The following RALA variants were observed in gnomAD, a reference collection of about 807,000 sequenced individuals.
RALA encodes the protein ras-related protein Ral-A.
RALA carries 5 observed loss-of-function variants against 24.0 expected under a neutral mutation model. That is an observed-to-expected ratio of 0.21 (90% CI 0.11 to 0.44). The LOEUF is 0.44. Among genes scored for constraint, RALA ranks in the 20% least tolerant of loss-of-function variants. The pLI, the probability that RALA is intolerant of heterozygous loss-of-function variation, is 0.99. For synonymous variants in RALA, 77 were observed against 83.8 expected, an observed-to-expected ratio of 0.92 and a Z score of 0.44; for missense variants, 95 against 241.2, an observed-to-expected ratio of 0.39 and a Z score of 4.01.
intron 1 of RALA, among the ~76,000 whole-genome samples, chr7:39,669,257 C>T (rs944671274): frequency 2.6e-5 from 4 of 152,114 alleles, no homozygotes; most frequent in Non-Finnish European, 5.9e-5. Context: ...TCTTTGAAGT[C>T]AAGGATCTTG....
intron 1 of RALA, among the ~76,000 whole-genome samples, chr7:39,627,356 C>CA (rs562084499): frequency 1.1e-4 from 16 of 151,852 alleles, no homozygotes; most frequent in Non-Finnish European, 1.5e-4. Context: ...CTTTACAAGC[C>CA]AAAAAAGGCA....
intron 1 of RALA, among the ~76,000 whole-genome samples, chr7:39,683,122 C>T (rs1265590500): frequency 6.6e-6 from 1 of 152,158 alleles, no homozygotes; most frequent in Non-Finnish European, 1.5e-5. Flanking sequence ...GTAGATGCTG[C>T]CACCATGCTC....
intron 1 of RALA, among the ~76,000 whole-genome samples, chr7:39,651,156 T>G (rs888167432): frequency 5.9e-5 from 9 of 152,222 alleles, no homozygotes; most frequent in African/African-American, 1.9e-4. Context: ...AACAAACACT[T>G]TATTATAAAA....
At chr7:39,643,410 T>A (rs916159940) in intron 1 of RALA, among the ~76,000 whole-genome samples, 1 of 152,160 alleles carries the variant, frequency 6.6e-6, no homozygotes, top group East Asian at 1.9e-4. Context: ...GGGGGACAAC[T>A]ATGCAGGGGA....
chr7:39,655,934 C>G (rs544659127), intron 1 of RALA, among the ~76,000 whole-genome samples: 1 of 152,222 alleles, frequency 6.6e-6, no homozygotes, highest in South Asian at 2.1e-4. Context: ...AGATTTTCAC[C>G]TATGAGCAAT....
At chr7:39,662,143 C>T (rs947300389) in intron 1 of RALA, among the ~76,000 whole-genome samples, 2 of 152,140 alleles carry the variant, frequency 1.3e-5, no homozygotes, top group African/African-American at 2.4e-5. Context: ...GGTTGGGGGG[C>T]CCTTAGCCCA....
chr7:39,696,283 C>A (rs1419378804), intron 3 of RALA, among the ~76,000 whole-genome samples: 2 of 152,178 alleles, frequency 1.3e-5, no homozygotes, highest in African/African-American at 4.8e-5. Context: ...ACCAATAACC[C>A]TACTTTAATC....
chr7:39,681,055 C>G (rs1490263969), intron 1 of RALA, among the ~76,000 whole-genome samples: 1 of 152,122 alleles, frequency 6.6e-6, no homozygotes, highest in Non-Finnish European at 1.5e-5. Context: ...TGTTCCAGGT[C>G]CTAATTCTTC....
intron 4 of RALA, 79 bp from the exon 5 acceptor site, chr7:39,706,044 A>G (rs887373184): frequency 3.1e-6 from 4 of 1,308,416 alleles, no homozygotes; most frequent in East Asian, 2.5e-5. Context: ...GTTACCCCCA[A>G]AGTTTACTGC....
intron 4 of RALA, chr7:39,697,508 G>A (rs774091316): frequency 1.3e-5 from 6 of 454,802 alleles, no homozygotes; most frequent in Non-Finnish European, 2.7e-5. Context: ...TCACTGGGCT[G>A]AGGTAGCACA....
chr7:39,638,027 A>T (rs1186124994), intron 1 of RALA, among the ~76,000 whole-genome samples: 1 of 152,182 alleles, frequency 6.6e-6, no homozygotes, highest in Non-Finnish European at 1.5e-5. Context: ...ATCCTCTAAT[A>T]TCTAACCCAG....
chr7:39,655,646 T>A (rs914367545), intron 1 of RALA, among the ~76,000 whole-genome samples: 1 of 152,198 alleles, frequency 6.6e-6, no homozygotes, highest in Non-Finnish European at 1.5e-5. Flanking sequence ...GGTATGTAGA[T>A]CTGAATATAG....
intron 1 of RALA, among the ~76,000 whole-genome samples, chr7:39,678,759 G>C (rs935654710): frequency 6.6e-6 from 1 of 152,010 alleles, no homozygotes; most frequent in Non-Finnish European, 1.5e-5. Context: ...GTTTATATAA[G>C]GTACCAAGAA....
Position 39,682,091 on chromosome 7 carries a change from A to C in RALA, c.-37-4540A>C, listed in dbSNP as rs539030935. On this transcript the variant is annotated intron_variant, in intron 1 of 4. Coordinates refer to ENST00000005257, the MANE Select transcript of RALA (RefSeq NM_005402.4). ...TTTGAATTCTGGCTCGGTCTTGAGC[A>C]AGTTGACATCTGTGACCCAGATTCC... 1.4e-4 allele frequency among the ~76,000 whole-genome samples: 22 copies of C among 152,358 alleles called. No individual in the cohort carries two copies. The South Asian group carries it at 3.1e-3, about 22-fold the overall frequency.
At chr7:39,704,557 A>G (rs1288816949) in intron 4 of RALA, among the ~76,000 whole-genome samples, 3 of 152,080 alleles carry the variant, frequency 2.0e-5, no homozygotes, top group African/African-American at 7.2e-5. Context: ...ACCTCAGGTG[A>G]TCCGCCCACC....
chr7:39,671,788 G>A (rs1792394080), intron 1 of RALA, among the ~76,000 whole-genome samples: 1 of 152,034 alleles, frequency 6.6e-6, no homozygotes, highest in African/African-American at 2.4e-5. Context: ...TTATTATTTT[G>A]TGTTCTTCTT....
chr7:39,682,394 A>G (rs1177358940), intron 1 of RALA, among the ~76,000 whole-genome samples: 1 of 152,114 alleles, frequency 6.6e-6, no homozygotes, highest in African/African-American at 2.4e-5. Context: ...TCAACTCTTG[A>G]TACTTCCACT....
chr7:39,666,659 A>C (rs1792290994), intron 1 of RALA, among the ~76,000 whole-genome samples: 1 of 152,222 alleles, frequency 6.6e-6, no homozygotes. Flanking sequence ...AGAATTTAAG[A>C]GATTACTACT....
Position 39,706,242 on chromosome 7 carries a change from A to G in RALA, c.618A>G (p.Leu206=). ...AKRIRERCCI[L] is the part of the protein sequence containing the mutation. The stretch of plus-strand genomic sequence containing the variant: ...GAATCAGAGAAAGATGCTGCATTTT[A>G]TAATCAAAGCCCAAACTCCTTTCTT... Residue 206 remains leucine, a synonymous_variant, in exon 5 of 5, where the codon TTA becomes TTG. Coordinates refer to ENST00000005257, the MANE Select transcript of RALA (RefSeq NM_005402.4). The G allele has an allele frequency of 6.2e-7, 1 of 1,605,678 alleles. No individual in the cohort carries two copies. The highest frequency in any genetic ancestry group is 1.1e-5 in the South Asian group (1 of 89,044).
Sources: gnomAD v4.1 joint callset for allele counts (sites outside exome capture counted in the v4.1 genomes callset) on GRCh38, gnomAD v4.1.1 for gene constraint, MANE v1.5 for transcripts, NCBI Gene and HGNC (gene_info 2026-07-23, HGNC 2026-07-21) for gene names.